Variants in FAP observed in about 807,000 individuals in gnomAD.
FAP encodes the protein prolyl endopeptidase FAP.
FAP carries 110 observed loss-of-function variants against 126.5 expected under a neutral mutation model. The ratio of observed to expected loss-of-function variants is 0.87; its 90% confidence interval spans 0.74 to 1.02. FAP has a LOEUF of 1.02. Among genes scored for constraint, FAP ranks in the 50% least tolerant of loss-of-function variants. FAP has a pLI of 0.00. For synonymous variants in FAP, 334 were observed against 297.3 expected, an observed-to-expected ratio of 1.12 and a Z score of -1.27; for missense variants, 919 against 909.2, an observed-to-expected ratio of 1.01 and a Z score of -0.14.
rs10657426 is a variant in FAP, at chr2:162,179,790, CTATATA to C, written c.1869+3618_1869+3623del. Among the ~76,000 whole-genome samples, 47 of 115,514 alleles carry C rather than the reference CTATATA, an allele frequency of 4.1e-4. 1 individual carries two copies. Among genetic ancestry groups the C allele is most frequent in the East Asian group, 2.3e-3 (7 of 3,074 alleles). The allele number at this position is 115,514 out of a possible 152,430, so 75.8% of individuals were successfully genotyped here. On this transcript the variant is annotated intron_variant, in intron 21 of 25. Coordinates refer to ENST00000188790, the MANE Select transcript of FAP (RefSeq NM_004460.5). Reference sequence around the variant, plus strand: ...TCTATCTATCTATCTATCTATCTATCTATATATATATATATATATATATTTTTTTTT... The same window carrying C: ...TCTATCTATCTATCTATCTATCTATCTATATATATATATATATTTTTTTTT...
intron 7 of FAP, 87 bp from the exon 8 acceptor site, chr2:162,219,270 A>G: frequency 7.8e-7 from 1 of 1,274,358 alleles, no homozygotes; most frequent in Non-Finnish European, 1.1e-6. Context: ...ACCTTTAAAC[A>G]GAGTGGTAAT....
chr2:162,216,427 A>T (rs1163433217), intron 9 of FAP, among the ~76,000 whole-genome samples: 1 of 152,130 alleles, frequency 6.6e-6, no homozygotes, highest in Non-Finnish European at 1.5e-5. Flanking sequence ...TAAATGAAAG[A>T]CACTTTTTGC....
intron 20 of FAP, among the ~76,000 whole-genome samples, chr2:162,184,362 C>A (rs78289230): frequency 6.6e-6 from 1 of 152,216 alleles, no homozygotes; most frequent in Non-Finnish European, 1.5e-5. Context: ...ATACTATCTT[C>A]TTGTTCCATT....
At chr2:162,189,603 A>AG (rs1687970200) in intron 18 of FAP, 53 bp downstream of exon 18, 2 of 999,400 alleles carry the variant, frequency 2.0e-6, no homozygotes, top group Non-Finnish European at 3.1e-6. Context: ...TTTAAAAGCA[A>AG]GAAAATTGCT....
intron 11 of FAP, 112 bp downstream of exon 11, chr2:162,213,826 A>T: frequency 1.9e-6 from 2 of 1,026,142 alleles, no homozygotes; most frequent in Non-Finnish European, 2.7e-6. Context: ...AGCAGTTGGC[A>T]GTTGAATGCA....
intron 20 of FAP, 21 bp from the exon 21 acceptor site, chr2:162,183,489 T>G (rs774581784): frequency 1.4e-6 from 2 of 1,454,522 alleles, no homozygotes; most frequent in Non-Finnish European, 1.9e-6. Context: ...AGAAACAAAT[T>G]TTTAGAATGT....
At chr2:162,223,930 A>G (rs1378349206) in intron 5 of FAP, among the ~76,000 whole-genome samples, 1 of 152,204 alleles carries the variant, frequency 6.6e-6, no homozygotes, top group East Asian at 1.9e-4. Context: ...GAAATTTCCT[A>G]ACATAAAAAG....
intron 17 of FAP, among the ~76,000 whole-genome samples, chr2:162,192,018 C>A (rs1688065933): frequency 6.6e-6 from 1 of 151,882 alleles, no homozygotes; most frequent in Non-Finnish European, 1.5e-5. Flanking sequence ...TCTTAGGGAC[C>A]TCCCTCCTCT....
chr2:162,171,149 G>C, intron 25 of FAP, 69 bp from the exon 26 acceptor site: 1 of 1,156,764 alleles, frequency 8.6e-7, no homozygotes, highest in Non-Finnish European at 1.3e-6. Flanking sequence ...GGACTTTTTT[G>C]TGCTCTCAGG....
At chr2:162,224,184 T>G (rs921935855) in intron 5 of FAP, among the ~76,000 whole-genome samples, 2 of 152,190 alleles carry the variant, frequency 1.3e-5, no homozygotes, top group Admixed American at 1.3e-4. Context: ...AATATTTAGC[T>G]TATAATTCTT....
chr2:162,191,557 G>A (rs1372514129), intron 17 of FAP, among the ~76,000 whole-genome samples: 3 of 152,050 alleles, frequency 2.0e-5, no homozygotes, highest in African/African-American at 7.2e-5. Flanking sequence ...CTAGTATCTG[G>A]CATGTAGTAT....
intron 21 of FAP, among the ~76,000 whole-genome samples, chr2:162,181,554 T>A (rs1687697218): frequency 6.6e-6 from 1 of 152,158 alleles, no homozygotes; most frequent in Admixed American, 6.5e-5. Context: ...GAATGCTCCG[T>A]TCCTCAGCTA....
chr2:162,194,775 T>A, intron 16 of FAP, 27 bp from the exon 17 acceptor site: 1 of 1,608,946 alleles, frequency 6.2e-7, no homozygotes, highest in Non-Finnish European at 8.5e-7. Context: ...AACAAAATCA[T>A]GGCTTAGTGT....
At chr2:162,215,876 G>A (rs1289183699) in intron 10 of FAP, 22 bp downstream of exon 10, 3 of 1,536,978 alleles carry the variant, frequency 2.0e-6, no homozygotes, top group Non-Finnish European at 9.0e-7. Context: ...TAGAAAGATG[G>A]GAGGGATCTG....
At chr2:162,187,204 C>A (rs1576143628) in intron 20 of FAP, among the ~76,000 whole-genome samples, 1 of 152,122 alleles carries the variant, frequency 6.6e-6, no homozygotes, top group South Asian at 2.1e-4. Flanking sequence ...GGCCTGGCTC[C>A]AGGCTGTTAA....
At chr2:162,236,972 A>T (rs561055848) in intron 2 of FAP, among the ~76,000 whole-genome samples, 1 of 152,336 alleles carries the variant, frequency 6.6e-6, no homozygotes, top group South Asian at 2.1e-4. Flanking sequence ...TCCACCAAGT[A>T]TAAATCATAA....
At chr2:162,230,289 A>G (rs1270619690) in intron 2 of FAP, among the ~76,000 whole-genome samples, 1 of 152,234 alleles carries the variant, frequency 6.6e-6, no homozygotes, top group Admixed American at 6.5e-5. Flanking sequence ...AAGATTACTT[A>G]GAATTTTCAA....
At chr2:162,202,701 G>GA (rs533339385) in intron 14 of FAP, among the ~76,000 whole-genome samples, 171 bp downstream of exon 14, 87 of 152,204 alleles carry the variant, frequency 5.7e-4, no homozygotes, top group African/African-American at 2.0e-3. Flanking sequence ...TTTCCAAAAG[G>GA]AAATCATTTT....
chr2:162,177,147 C>A (rs1182160413), intron 21 of FAP, among the ~76,000 whole-genome samples: 1 of 152,074 alleles, frequency 6.6e-6, no homozygotes, highest in Non-Finnish European at 1.5e-5. Flanking sequence ...ACCCACAGAG[C>A]AGATTGGCCA....
Sources: gnomAD v4.1 joint callset for allele counts (sites outside exome capture counted in the v4.1 genomes callset) on GRCh38, gnomAD v4.1.1 for gene constraint, MANE v1.5 for transcripts, NCBI Gene and HGNC (gene_info 2026-07-23, HGNC 2026-07-21) for gene names.